Variants in DPYD observed in about 807,000 individuals in gnomAD.
DPYD encodes the protein dihydropyrimidine dehydrogenase [NADP(+)].
A neutral mutation model predicts 116.2 loss-of-function variants in DPYD; 109 were observed. The observed-to-expected ratio is 0.94, with a 90% CI of 0.80 to 1.10. The LOEUF (loss-of-function observed/expected upper bound fraction) is 1.10, where lower values mean the gene tolerates loss of function less well. DPYD is among the 50% of genes least tolerant of loss of function. The probability of loss-of-function intolerance (pLI) is 0.00; values close to 1 mark genes in which losing one functional copy is unlikely to be tolerated. For synonymous variants in DPYD, 440 were observed against 432.0 expected (o/e 1.02, Z -0.23); for missense variants, 1,302 against 1,254.5 (o/e 1.04, Z -0.57).
At chr1:97,731,169 CA>C (rs1663586948) in intron 4 of DPYD, among the ~76,000 whole-genome samples, 4 of 151,910 alleles carry the variant, frequency 2.6e-5, no homozygotes, top group Admixed American at 1.3e-4. Flanking sequence ...TTGTTCTATA[CA>C]AAAAAGTCAG....
chr1:97,227,351 A>AAG (rs1213119645), intron 19 of DPYD, among the ~76,000 whole-genome samples: 2 of 66,390 alleles, frequency 3.0e-5, no homozygotes, highest in Non-Finnish European at 2.4e-5. Context: ...AAAAAAAAAA[A>AAG]AAAAAAGAAA....
At chr1:97,874,982 T>C (rs916859926) in intron 2 of DPYD, among the ~76,000 whole-genome samples, 2 of 151,936 alleles carry the variant, frequency 1.3e-5, no homozygotes, top group Non-Finnish European at 2.9e-5. Context: ...TGATAAAATA[T>C]GCATCAGAGA....
Position 97,373,549 on chromosome 1 carries a change from C to G in DPYD, c.2058+12G>C. The G allele has an allele frequency of 6.2e-7, 1 of 1,612,722 alleles. No homozygotes were observed. Among genetic ancestry groups the G allele is most frequent in the Non-Finnish European group, 8.5e-7 (1 of 1,178,992 alleles). On this transcript the variant is annotated intron_variant, in intron 16 of 22. Coordinates refer to ENST00000370192, the MANE Select transcript of DPYD (RefSeq NM_000110.4). Reference sequence around the variant, plus strand: ...CACTGACATACTTAGTGGCAGCTGTCAAGGTCCTTACCTGCCCACAGGCCA... The same window carrying G: ...CACTGACATACTTAGTGGCAGCTGTGAAGGTCCTTACCTGCCCACAGGCCA...
chr1:97,872,832 C>T (rs936934606), intron 2 of DPYD, among the ~76,000 whole-genome samples: 19 of 151,888 alleles, frequency 1.3e-4, no homozygotes, highest in African/African-American at 3.6e-4. Flanking sequence ...TCTCTTGGTA[C>T]TTTTCTTCAT....
intron 18 of DPYD, among the ~76,000 whole-genome samples, chr1:97,243,432 A>G (rs1662510903): frequency 6.6e-6 from 1 of 151,922 alleles, no homozygotes; most frequent in African/African-American, 2.4e-5. Flanking sequence ...ATAGATGTGT[A>G]AACTGAGATT....
chr1:97,778,196 G>A (rs867578245), intron 3 of DPYD, among the ~76,000 whole-genome samples: 2,022 of 113,028 alleles, frequency 0.018, 29 homozygotes, highest in East Asian at 0.028. Flanking sequence ...GAAAGAGAGA[G>A]AGAGAGAGAG....
intron 15 of DPYD, among the ~76,000 whole-genome samples, chr1:97,379,270 C>T (rs1291363591): frequency 1.3e-5 from 2 of 152,146 alleles, no homozygotes; most frequent in Admixed American, 1.3e-4. Context: ...GAGAGGCAGG[C>T]AGGGCAGGGG....
chr1:97,806,220 A>G (rs867136972), intron 3 of DPYD, among the ~76,000 whole-genome samples: 5 of 151,950 alleles, frequency 3.3e-5, no homozygotes, highest in Admixed American at 6.6e-5. Context: ...ATAATCTTAC[A>G]CATTTTATTT....
At chr1:97,581,552 G>A (rs952506262) in intron 10 of DPYD, among the ~76,000 whole-genome samples, 18 of 151,266 alleles carry the variant, frequency 1.2e-4, no homozygotes, top group Admixed American at 1.1e-3. Flanking sequence ...GACTAGCCTG[G>A]GTAAAATAGA....
At chr1:97,354,201 C>T (rs192180479) in intron 16 of DPYD, among the ~76,000 whole-genome samples, 33 of 152,156 alleles carry the variant, frequency 2.2e-4, no homozygotes, top group African/African-American at 6.3e-4. Context: ...CAGAACCGTT[C>T]GCCATTTGGT....
intron 8 of DPYD, among the ~76,000 whole-genome samples, chr1:97,622,217 T>C (rs1656672873): frequency 6.6e-6 from 1 of 152,052 alleles, no homozygotes; most frequent in African/African-American, 2.4e-5. Flanking sequence ...ACATACACTA[T>C]GTTAGTCATG....
rs1250811250 is a variant in DPYD, at chr1:97,920,763, G to C, written c.39+121C>G. 6 of 1,394,950 alleles carry C rather than the reference G, an allele frequency of 4.3e-6. No homozygotes were observed. In the East Asian group the frequency reaches 1.5e-4, roughly 35 times the overall value. The allele number at this position is 1,394,950 out of a possible 1,614,324, so 86.4% of individuals were successfully genotyped here. On this transcript the variant is annotated intron_variant, in intron 1 of 22. Coordinates refer to ENST00000370192, the MANE Select transcript of DPYD (RefSeq NM_000110.4). ...GCTCCCCCGCAGAGCTCCCACGGGG[G>C]AAACTTTCCCGCGTCTCTCACTCTC... is the stretch of plus-strand genomic sequence containing the variant.
chr1:97,412,082 C>A (rs1369228219), intron 14 of DPYD, among the ~76,000 whole-genome samples: 2 of 152,088 alleles, frequency 1.3e-5, no homozygotes, highest in Non-Finnish European at 2.9e-5. Flanking sequence ...AGGAAAATTC[C>A]CCAATTTCTT....
chr1:97,380,126 C>T (rs192434458), intron 15 of DPYD, among the ~76,000 whole-genome samples: 17 of 152,258 alleles, frequency 1.1e-4, no homozygotes, highest in African/African-American at 3.1e-4. Flanking sequence ...GATTCAAGAT[C>T]GACTACACTG....
intron 16 of DPYD, among the ~76,000 whole-genome samples, chr1:97,361,026 T>A (rs901737851): frequency 6.6e-6 from 1 of 151,954 alleles, no homozygotes; most frequent in Non-Finnish European, 1.5e-5. Flanking sequence ...TCTGGCTTTT[T>A]GAAAAGATCA....
chr1:97,674,499 T>G (rs941779719), intron 8 of DPYD, among the ~76,000 whole-genome samples: 4 of 152,138 alleles, frequency 2.6e-5, no homozygotes, highest in African/African-American at 7.2e-5. Flanking sequence ...CACTATCATG[T>G]TTTATGAGGC....
chr1:97,443,026 T>A (rs1053649729), intron 14 of DPYD, among the ~76,000 whole-genome samples: 1 of 152,120 alleles, frequency 6.6e-6, no homozygotes, highest in Non-Finnish European at 1.5e-5. Flanking sequence ...TCTCTGAGGG[T>A]CACACAGATG....
chr1:97,114,026 G>A (rs373976337), intron 20 of DPYD, among the ~76,000 whole-genome samples: 3 of 152,034 alleles, frequency 2.0e-5, no homozygotes, highest in Non-Finnish European at 2.9e-5. Context: ...CTCCTAGGGC[G>A]ATGCTACATG....
intron 12 of DPYD, among the ~76,000 whole-genome samples, chr1:97,531,527 GATT>G (rs1448037748): frequency 2.0e-5 from 3 of 152,052 alleles, no homozygotes; most frequent in Admixed American, 2.0e-4. Flanking sequence ...ATACTACTCT[GATT>G]ATTGCTTTGT....
Sources: allele counts gnomAD v4.1 joint callset (sites outside exome capture counted in the v4.1 genomes callset), GRCh38; gene constraint gnomAD v4.1.1; transcripts MANE v1.5; gene names NCBI Gene and HGNC (gene_info 2026-07-23, HGNC 2026-07-21).